The following RORA variants were observed in gnomAD, a reference collection of about 807,000 sequenced individuals.
RORA encodes RAR related orphan receptor A.
In RORA, 7 loss-of-function variants were observed where a neutral mutation model predicts 69.5. That is an observed-to-expected ratio of 0.10 (90% confidence interval 0.06 to 0.19). RORA has a LOEUF of 0.19. Among genes scored for constraint, RORA ranks in the 10% least tolerant of loss-of-function variants. The pLI, the probability that RORA is intolerant of heterozygous loss-of-function variation, is 1.00. For missense variants in RORA, 457 were observed against 663.0 expected, an observed-to-expected ratio of 0.69 and a Z score of 3.41; for synonymous variants, 261 against 240.8, an observed-to-expected ratio of 1.08 and a Z score of -0.78.
At chr15:61,005,067 T>C (rs1173369565) in intron 1 of RORA, among the ~76,000 whole-genome samples, 2 of 152,216 alleles carry the variant, frequency 1.3e-5, no homozygotes, top group Admixed American at 1.3e-4. Flanking sequence ...GTATCAGACA[T>C]ATGCAGTAGG....
rs2079356794 is a variant in RORA, at chr15:61,147,095, G to C, written c.166+81958C>G. ...TGCTTGGAGAGCACCAAGCGGGCCA[G>C]ACATCACAATAGGTTAGATTTTGGC... is the stretch of plus-strand genomic sequence containing the variant. On this transcript the variant is annotated intron_variant, in intron 1 of 10. Transcript: ENST00000335670. This position sits in a 1 kb window ranked among gnomAD's most constrained non-coding sequence, Gnocchi z 4.1. Among the ~76,000 whole-genome samples the C allele has an allele frequency of 6.6e-6, 1 of 152,216 alleles. No individual in the cohort carries two copies. Among genetic ancestry groups the C allele is most frequent in the Admixed American group, 6.5e-5 (1 of 15,288 alleles).
At chr15:60,587,068 T>A (rs2068357430) in intron 2 of RORA, among the ~76,000 whole-genome samples, 1 of 152,236 alleles carries the variant, frequency 6.6e-6, no homozygotes. Context: ...CATTTGTGAA[T>A]GTTCCCTTTG....
At chr15:60,506,264 T>C (rs749327031) in intron 5 of RORA, among the ~76,000 whole-genome samples, 100 of 152,060 alleles carry the variant, frequency 6.6e-4, no homozygotes, top group Non-Finnish European at 1.3e-3. Flanking sequence ...TCCTCATTTG[T>C]AAAATGAGGG....
intron 1 of RORA, among the ~76,000 whole-genome samples, chr15:61,219,491 C>T (rs770732797): frequency 3.9e-5 from 6 of 152,072 alleles, no homozygotes; most frequent in Non-Finnish European, 8.8e-5. Context: ...AGGAGAATGG[C>T]GTGAACCCAG....
chr15:60,501,707 C>G (rs1219279152), intron 8 of RORA, among the ~76,000 whole-genome samples: 1 of 152,112 alleles, frequency 6.6e-6, no homozygotes, highest in Non-Finnish European at 1.5e-5. Flanking sequence ...GGTGGTAAAA[C>G]TATTATAACT....
intron 1 of RORA, among the ~76,000 whole-genome samples, chr15:61,044,130 C>A (rs922470406): frequency 6.6e-6 from 1 of 152,108 alleles, no homozygotes; most frequent in African/African-American, 2.4e-5. Context: ...TCTGGCCTAC[C>A]CCAAAGCAAT....
intron 1 of RORA, among the ~76,000 whole-genome samples, chr15:61,027,824 G>C (rs1176948108): frequency 6.6e-6 from 1 of 152,104 alleles, no homozygotes; most frequent in Non-Finnish European, 1.5e-5. Flanking sequence ...CAAAGTCTCA[G>C]TTTACCAATC....
intron 1 of RORA, among the ~76,000 whole-genome samples, chr15:60,792,440 T>G (rs532299868): frequency 1.3e-5 from 2 of 152,212 alleles, no homozygotes; most frequent in African/African-American, 4.8e-5. Flanking sequence ...AGACATCAAC[T>G]TATAGATTCA....
chr15:60,950,231 C>G (rs1333651076), intron 1 of RORA, among the ~76,000 whole-genome samples: 1 of 150,180 alleles, frequency 6.7e-6, no homozygotes, highest in African/African-American at 2.5e-5. Context: ...TACAGACAAG[C>G]AAATGCTGAG....
intron 2 of RORA, among the ~76,000 whole-genome samples, chr15:60,596,417 C>A (rs1311392666): frequency 6.6e-6 from 1 of 152,062 alleles, no homozygotes; most frequent in Admixed American, 6.6e-5. Flanking sequence ...TCAATGGAAT[C>A]CTTAGCCACC....
At chr15:60,894,830 A>G (rs929726795) in intron 1 of RORA, among the ~76,000 whole-genome samples, 3 of 152,198 alleles carry the variant, frequency 2.0e-5, no homozygotes, top group African/African-American at 7.2e-5. Context: ...ATTAAAATAT[A>G]GAAGCAAGAA....
intron 1 of RORA, among the ~76,000 whole-genome samples, chr15:60,740,700 CTTAGG>C (rs1398398081): frequency 6.6e-6 from 1 of 152,154 alleles, no homozygotes; most frequent in Non-Finnish European, 1.5e-5. Context: ...CTGTAAATCT[CTTAGG>C]TTAACTTTTA....
chr15:61,081,540 G>A (rs2078540073), intron 1 of RORA, among the ~76,000 whole-genome samples: 1 of 152,144 alleles, frequency 6.6e-6, no homozygotes, highest in Admixed American at 6.5e-5. Context: ...AGGCATGGTG[G>A]CTCACACCTG....
intron 1 of RORA, among the ~76,000 whole-genome samples, chr15:60,807,431 C>A (rs1394315151): frequency 6.6e-6 from 1 of 152,142 alleles, no homozygotes; most frequent in Admixed American, 6.6e-5. Flanking sequence ...ATAGATGACA[C>A]AAACAAATGA....
intron 2 of RORA, among the ~76,000 whole-genome samples, chr15:60,562,989 A>C (rs2067618021): frequency 6.6e-6 from 1 of 152,192 alleles, no homozygotes; most frequent in Non-Finnish European, 1.5e-5. Flanking sequence ...GTACAAGGCA[A>C]CTTCAATCTA....
chr15:61,066,418 CTTTTTTTTTTT>C lies in RORA; in HGVS notation c.166+162624_166+162634del, dbSNP rs1168663714. On this transcript the variant is annotated intron_variant, in intron 1 of 10. Transcript: ENST00000335670. ...AATTGTGGGAAGACAGGGCATATTC[CTTTTTTTTTTT>C]TTTTTTTTTTTTTTGAGATGGAGTT... Among the ~76,000 whole-genome samples the C allele has an allele frequency of 1.6e-4, 13 of 80,964 alleles. No homozygotes were observed. In the South Asian group the frequency reaches 4.5e-3, roughly 28 times the overall value. 53.1% of individuals were successfully genotyped at this position (80,964 alleles called of 152,430 possible). A position where few individuals can be genotyped will look rare whatever the true frequency, so the allele number is the denominator to read the frequency against.
chr15:61,169,272 GAA>G (rs772187950), intron 1 of RORA, among the ~76,000 whole-genome samples: 6 of 135,040 alleles, frequency 4.4e-5, no homozygotes, highest in Admixed American at 7.5e-5. Flanking sequence ...ACACAGCTTG[GAA>G]AAAAAAAAAA....
At chr15:60,747,775 C>T (rs901252105) in intron 1 of RORA, among the ~76,000 whole-genome samples, 10 of 152,254 alleles carry the variant, frequency 6.6e-5, no homozygotes, top group Non-Finnish European at 1.3e-4. Flanking sequence ...CTTGGGCTCC[C>T]AGTTAAGCTA....
At chr15:60,523,515 G>A (rs1336820790) in intron 3 of RORA, among the ~76,000 whole-genome samples, 1 of 152,128 alleles carries the variant, frequency 6.6e-6, no homozygotes, top group Admixed American at 6.5e-5. Flanking sequence ...TTTCCAGAGA[G>A]CCAGTTGTTC....
Sources: gnomAD v4.1 joint callset for allele counts (sites outside exome capture counted in the v4.1 genomes callset) on GRCh38, gnomAD v4.1.1 for gene constraint, Gnocchi (gnomAD v3.1) non-coding constraint, MANE v1.5 for transcripts, NCBI Gene and HGNC (gene_info 2026-07-23, HGNC 2026-07-21) for gene names.